The following RBFOX1 variants were observed in gnomAD, a reference collection of about 807,000 sequenced individuals.
RBFOX1 encodes RNA binding fox-1 homolog 1.
RBFOX1 carries 8 observed loss-of-function variants against 57.7 expected under a neutral mutation model. The ratio of observed to expected loss-of-function variants is 0.14; its 90% CI spans 0.08 to 0.25. RBFOX1 has a LOEUF of 0.25. Ranked by LOEUF, RBFOX1 falls within the 10% of genes least tolerant of loss-of-function variation. RBFOX1 has a pLI of 1.00. For synonymous variants in RBFOX1, 326 were observed against 222.4 expected (o/e 1.47, Z -4.15); for missense variants, 611 against 548.5 (o/e 1.11, Z -1.14).
At chr16:5,540,446 A>G (rs751137896) in intron 2 of RBFOX1, among the ~76,000 whole-genome samples, 69 of 152,198 alleles carry the variant, frequency 4.5e-4, no homozygotes, top group African/African-American at 1.2e-3. Context: ...TGGCACACCA[A>G]TTAACTCTTA....
chr16:7,014,323 C>A (rs917726772), intron 3 of RBFOX1, among the ~76,000 whole-genome samples: 1 of 151,954 alleles, frequency 6.6e-6, no homozygotes, highest in African/African-American at 2.4e-5. Flanking sequence ...AGCAATCCTC[C>A]CACGTCAGCC....
intron 7 of RBFOX1, among the ~76,000 whole-genome samples, chr16:7,589,912 G>GGGGTGTGTGTGTGTGTGTGTGT: frequency 7.4e-6 from 1 of 135,054 alleles, no homozygotes; most frequent in East Asian, 2.2e-4. Flanking sequence ...GTGTGTGCTG[G>GGGGTGTGTGTGTGTGTGTGTGT]GTGTGTGTGT....
At chr16:7,558,513 A>G (rs535922238) in intron 5 of RBFOX1, among the ~76,000 whole-genome samples, 100 of 152,230 alleles carry the variant, frequency 6.6e-4, no homozygotes, top group Admixed American at 1.4e-3. Context: ...ATGTATATAC[A>G]TATACAACAT....
chr16:7,463,848 C>T (rs2060010007), intron 4 of RBFOX1, among the ~76,000 whole-genome samples: 1 of 152,166 alleles, frequency 6.6e-6, no homozygotes, highest in South Asian at 2.1e-4. Flanking sequence ...GAGATAGATA[C>T]TTCAAATTGA....
intron 4 of RBFOX1, among the ~76,000 whole-genome samples, chr16:7,489,216 G>A (rs191734034): frequency 3.3e-5 from 5 of 152,188 alleles, no homozygotes; most frequent in South Asian, 2.1e-4. Context: ...TTTAGGGAAC[G>A]TGTAACTGAT....
At chr16:6,955,689 G>T (rs61586827) in intron 3 of RBFOX1, among the ~76,000 whole-genome samples, 6,550 of 118,654 alleles carry the variant, frequency 0.055, 388 homozygotes, top group African/African-American at 0.16. Flanking sequence ...AGGTATGTAT[G>T]TATTTATTTA....
At chr16:5,642,710 G>A (rs1567337194) in intron 3 of RBFOX1, among the ~76,000 whole-genome samples, 2 of 152,146 alleles carry the variant, frequency 1.3e-5, no homozygotes, top group Admixed American at 6.5e-5. Context: ...GAAGGAGGGA[G>A]GGGGAGGACT....
At chr16:5,701,901 GT>G (rs1322069676) in intron 3 of RBFOX1, among the ~76,000 whole-genome samples, 1 of 152,188 alleles carries the variant, frequency 6.6e-6, no homozygotes, top group Non-Finnish European at 1.5e-5. Flanking sequence ...TCTAGTAGAG[GT>G]TTTGCTAAAT....
intron 1 of RBFOX1, among the ~76,000 whole-genome samples, chr16:6,140,933 G>A (rs536485990): frequency 6.6e-6 from 1 of 152,292 alleles, no homozygotes; most frequent in East Asian, 1.9e-4. Context: ...CACTCCAGTG[G>A]TCAATGTGTA....
chr16:6,446,407 A>G (rs111652642), intron 2 of RBFOX1, among the ~76,000 whole-genome samples: 4,373 of 152,284 alleles, frequency 0.029, 104 homozygotes, highest in Middle Eastern at 0.068. Flanking sequence ...AAATCACTTC[A>G]TTGTTTTCGG....
At chr16:7,190,963 C>G (rs568261081) in intron 4 of RBFOX1, among the ~76,000 whole-genome samples, 3 of 151,790 alleles carry the variant, frequency 2.0e-5, no homozygotes, top group African/African-American at 7.3e-5. Flanking sequence ...TCATCTCAAT[C>G]AGAACCTTGA....
intron 14 of RBFOX1, among the ~76,000 whole-genome samples, chr16:7,681,106 C>G (rs2074616691): frequency 6.6e-6 from 1 of 152,006 alleles, no homozygotes; most frequent in Non-Finnish European, 1.5e-5. Flanking sequence ...TTCTTAGAAC[C>G]TAGTAAGGAT....
At position 5,589,257 on chromosome 16, in the gene RBFOX1, C is replaced by T. The variant is rs1049875286; in HGVS notation, c.259-9645C>T. Among the ~76,000 whole-genome samples, 5 of 152,210 alleles carry T rather than the reference C, an allele frequency of 3.3e-5. No individual in the cohort carries two copies. The East Asian group carries it at 7.7e-4, about 24-fold the overall frequency. Reference sequence around the variant, plus strand: ...GGAACATGAGTGTACCAAGGGAATGCTTCTGTTCCTTTGCATGGTTTGTAC... The same window carrying T: ...GGAACATGAGTGTACCAAGGGAATGTTTCTGTTCCTTTGCATGGTTTGTAC... On this transcript the variant is annotated intron_variant, in intron 2 of 2. Coordinates refer to the RBFOX1 transcript ENST00000585867.
chr16:6,766,689 C>T (rs2077379352), intron 3 of RBFOX1, among the ~76,000 whole-genome samples: 2 of 152,004 alleles, frequency 1.3e-5, no homozygotes, highest in Admixed American at 1.3e-4. Flanking sequence ...CAGCTGTCAT[C>T]TTGGACAACA....
intron 3 of RBFOX1, among the ~76,000 whole-genome samples, chr16:6,710,856 G>C (rs1365221824): frequency 6.6e-6 from 1 of 152,192 alleles, no homozygotes; most frequent in Non-Finnish European, 1.5e-5. Flanking sequence ...TGAGGAAAAG[G>C]AGGAAAGGGA....
At chr16:5,708,885 A>G (rs1212927665) in intron 3 of RBFOX1, among the ~76,000 whole-genome samples, 1 of 152,154 alleles carries the variant, frequency 6.6e-6, no homozygotes, top group East Asian at 1.9e-4. Context: ...AATAAACCCA[A>G]TTGTCATAGA....
Position 6,308,863 on chromosome 16 carries a change from A to C in RBFOX1, c.-126-8132A>C, listed in dbSNP as rs577494294. 3.3e-5 allele frequency among the ~76,000 whole-genome samples: 5 copies of C among 152,276 alleles called. No homozygotes were observed. In the South Asian group the frequency reaches 1.0e-3, roughly 32 times the overall value. Reference sequence around the variant, plus strand: ...AAAGTATTTCCCAACTATCACTCCTAAAACAACTTTGCTCAGTAGCTGTCT... The same window carrying C: ...AAAGTATTTCCCAACTATCACTCCTCAAACAACTTTGCTCAGTAGCTGTCT... On this transcript the variant is annotated intron_variant, in intron 1 of 15. Coordinates refer to ENST00000550418, the MANE Select transcript of RBFOX1 (RefSeq NM_018723.4).
In RBFOX1 at chr16:5,378,397, C is replaced by T. The variant is rs149783977; in HGVS notation, c.220-88819C>T. ...ATCCTCGTTTCCACTCCACCCAGCC[C>T]GCCCAGGATCGGGGAGTTAGCCTCC... On this transcript the variant is annotated intron_variant, in intron 1 of 2. Coordinates refer to the RBFOX1 transcript ENST00000585867. Among the ~76,000 whole-genome samples the T allele has an allele frequency of 5.9e-4, 90 of 151,716 alleles. 6 individuals carry two copies. The highest frequency in any genetic ancestry group is 2.0e-3 in the African/African-American group (82 of 40,980).
Position 7,023,564 on chromosome 16 carries a change from T to TAAAAAAAAAA in RBFOX1, c.-15-28472_-15-28463dup, listed in dbSNP as rs34056673. 1.1e-3 allele frequency among the ~76,000 whole-genome samples: 49 copies of TAAAAAAAAAA among 43,926 alleles called. 7 individuals carry two copies. Among genetic ancestry groups the TAAAAAAAAAA allele is most frequent in the African/African-American group, 2.9e-3 (32 of 11,190 alleles). The allele number at this position is 43,926 out of a possible 152,430, so 28.8% of individuals were successfully genotyped here. On this transcript the variant is annotated intron_variant, in intron 3 of 15. Transcript: ENST00000550418. ...CAACATGGTGAAACTTCGTCTGTACTAAAAAAAAAAAAAAAAAAAAAAAAA... is the reference window on the plus strand; with the variant it reads ...CAACATGGTGAAACTTCGTCTGTACTAAAAAAAAAAAAAAAAAAAAAAAAAAAAAAAAAAA...
Sources: allele counts gnomAD v4.1 joint callset (sites outside exome capture counted in the v4.1 genomes callset), GRCh38; gene constraint gnomAD v4.1.1; transcripts MANE v1.5; gene names NCBI Gene and HGNC (gene_info 2026-07-23, HGNC 2026-07-21).